The following XPO4 variants were observed in gnomAD, a reference collection of about 807,000 sequenced individuals.
XPO4 encodes the protein exportin-4.
A neutral mutation model predicts 143.0 loss-of-function variants in XPO4; 39 were observed. The observed-to-expected ratio is 0.27, with a 90% CI of 0.21 to 0.36. The LOEUF (loss-of-function observed/expected upper bound fraction) is 0.36, where lower values mean the gene tolerates loss of function less well. Among genes scored for constraint, XPO4 ranks in the 10% least tolerant of loss-of-function variants. The probability of loss-of-function intolerance (pLI) is 1.00; values close to 1 mark genes in which losing one functional copy is unlikely to be tolerated. For synonymous variants in XPO4, 439 were observed against 474.0 expected, an observed-to-expected ratio of 0.93 and a Z score of 0.96; for missense variants, 907 against 1,348.0, an observed-to-expected ratio of 0.67 and a Z score of 5.12.
chr13:20,803,116 C>T lies in XPO4; in HGVS notation c.1818-2126G>A, dbSNP rs1277238870. 3.9e-5 allele frequency among the ~76,000 whole-genome samples: 6 copies of T among 152,102 alleles called. No individual in the cohort carries two copies. The highest frequency in any genetic ancestry group is 9.7e-5 in the African/African-American group (4 of 41,406). On this transcript the variant is annotated intron_variant, in intron 13 of 22. Coordinates refer to ENST00000255305, the MANE Select transcript of XPO4 (RefSeq NM_022459.5). The surrounding 1 kb of genome is among the most constrained non-coding windows in gnomAD (Gnocchi z 4.1). Reference sequence around the variant, plus strand: ...TATAAGTAGAACCTATTTTTAAAATCGCAGAGTACCCCAATTATTTGAATT... The same window carrying T: ...TATAAGTAGAACCTATTTTTAAAATTGCAGAGTACCCCAATTATTTGAATT...
rs535066294 is a variant in XPO4, at chr13:20,890,428, C to G, written c.69+12242G>C. 5.3e-5 allele frequency among the ~76,000 whole-genome samples: 8 copies of G among 149,606 alleles called. No individual in the cohort carries two copies. The South Asian group carries it at 1.7e-3, about 32-fold the overall frequency. On this transcript the variant is annotated intron_variant, in intron 1 of 22. Transcript: ENST00000255305. ...TTGTGCTGCTGTACTCCAGCCTGGG[C>G]AACACAGCAAGACTCTGTCTAAAAA...
At chr13:20,794,255 T>C (rs1380716793) in intron 18 of XPO4, among the ~76,000 whole-genome samples, 1 of 152,126 alleles carries the variant, frequency 6.6e-6, no homozygotes, top group Admixed American at 6.5e-5. Context: ...CAGAAACAAC[T>C]AGGAAACTTA....
At chr13:20,848,853 A>T in intron 4 of XPO4, 4 of 985,348 alleles carry the variant, frequency 4.1e-6, no homozygotes, top group Non-Finnish European at 4.8e-6. Flanking sequence ...AAGACAATGC[A>T]ATGAGGTGTC....
chr13:20,896,683 G>C (rs918866292), intron 1 of XPO4, among the ~76,000 whole-genome samples: 1 of 151,744 alleles, frequency 6.6e-6, no homozygotes, highest in African/African-American at 2.4e-5. Context: ...ATCATTTTTT[G>C]GCCTTTCTTT....
intron 3 of XPO4, among the ~76,000 whole-genome samples, chr13:20,861,728 G>C (rs2060200423): frequency 1.3e-5 from 2 of 149,210 alleles, no homozygotes; most frequent in South Asian, 4.2e-4. Flanking sequence ...TTCAATGGAA[G>C]CTACTTAAAG....
intron 1 of XPO4, among the ~76,000 whole-genome samples, chr13:20,891,782 G>A (rs2060519452): frequency 6.6e-6 from 1 of 150,952 alleles, no homozygotes; most frequent in African/African-American, 2.4e-5. Flanking sequence ...AGAATTGCTT[G>A]AACCCGGGAG....
chr13:20,878,819 T>C (rs1381557909), intron 1 of XPO4, among the ~76,000 whole-genome samples: 1 of 152,192 alleles, frequency 6.6e-6, no homozygotes, highest in East Asian at 1.9e-4. Context: ...TATGAACATT[T>C]GCTAATCTAG....
chr13:20,868,727 T>C (rs2060265639), intron 1 of XPO4, 26 bp from the exon 2 acceptor site: 2 of 1,586,026 alleles, frequency 1.3e-6, no homozygotes, highest in Non-Finnish European at 1.7e-6. Context: ...CAAGAACAGA[T>C]ACACTTATCT....
At chr13:20,896,465 T>C (rs959480469) in intron 1 of XPO4, among the ~76,000 whole-genome samples, 2 of 152,214 alleles carry the variant, frequency 1.3e-5, no homozygotes, top group African/African-American at 4.8e-5. Flanking sequence ...TTCTTATCAG[T>C]GCCCTATAAT....
At position 20,778,086 on chromosome 13, in the gene XPO4, G is replaced by A. The variant is rs2059103951; in HGVS notation, c.*5636C>T. The A allele has an allele frequency of 6.6e-6, 1 of 152,232 alleles. No individual in the cohort carries two copies. Among genetic ancestry groups the A allele is most frequent in the South Asian group, 2.1e-4 (1 of 4,818 alleles). The allele number at this position is 152,232 out of a possible 1,614,324, so 9.4% of individuals were successfully genotyped here. ...TCAAAGGCATCACTCATAAGCAACC[G>A]AATTGTATTTTTGGAGAGCACCATT... On this transcript the variant is annotated 3_prime_UTR_variant, in exon 23 of 23. Transcript: ENST00000255305.
At chr13:20,849,588 G>A (rs918633948) in intron 4 of XPO4, 5 of 985,118 alleles carry the variant, frequency 5.1e-6, no homozygotes, top group Middle Eastern at 5.2e-4. Flanking sequence ...AAATAACCAC[G>A]TAACCTTTAT....
intron 9 of XPO4, 142 bp from the exon 10 acceptor site, chr13:20,810,109 T>A: frequency 1.6e-6 from 1 of 606,372 alleles, no homozygotes; most frequent in Non-Finnish European, 2.3e-6. Context: ...TTGAACTTTC[T>A]AAAATCTTTC....
intron 2 of XPO4, among the ~76,000 whole-genome samples, chr13:20,864,956 A>G (rs776420577): frequency 2.6e-5 from 4 of 152,120 alleles, no homozygotes; most frequent in Non-Finnish European, 4.4e-5. Context: ...AAAAACCATT[A>G]TTAGCTGTCA....
chr13:20,846,764 T>G (rs2060033288), intron 4 of XPO4, among the ~76,000 whole-genome samples: 1 of 152,192 alleles, frequency 6.6e-6, no homozygotes, highest in African/African-American at 2.4e-5. Flanking sequence ...AATTTTTTGA[T>G]GCACAGATAT....
rs57528913 is a variant in XPO4, at chr13:20,891,122, TAAAAAAAAA to T, written c.69+11539_69+11547del. Among the ~76,000 whole-genome samples the T allele has an allele frequency of 8.1e-5, 7 of 85,968 alleles. No homozygotes were observed. The South Asian group carries it at 1.3e-3, about 16-fold the overall frequency. The allele number at this position is 85,968 out of a possible 152,430, so 56.4% of individuals were successfully genotyped here. A position where few individuals can be genotyped will look rare whatever the true frequency, so the allele number is the denominator to read the frequency against. On this transcript the variant is annotated intron_variant, in intron 1 of 22. Coordinates refer to ENST00000255305, the MANE Select transcript of XPO4 (RefSeq NM_022459.5). ...ACAAGAGCAAAACTCCATCTCAATT[TAAAAAAAAA>T]AAAAAAAAAAAAAAAAAAAGAACAA...
At chr13:20,817,485 T>G (rs1354448077) in intron 9 of XPO4, among the ~76,000 whole-genome samples, 1 of 152,220 alleles carries the variant, frequency 6.6e-6, no homozygotes, top group Non-Finnish European at 1.5e-5. Context: ...ATACTAAAAC[T>G]AGATGTAAGG....
intron 9 of XPO4, 51 bp downstream of exon 9, chr13:20,821,653 G>T: frequency 6.5e-7 from 1 of 1,547,874 alleles, no homozygotes. Context: ...CAAAGGCACC[G>T]CAAATTTCCT....
At chr13:20,838,772 C>T (rs1184771287) in intron 6 of XPO4, among the ~76,000 whole-genome samples, 1 of 151,986 alleles carries the variant, frequency 6.6e-6, no homozygotes, top group Non-Finnish European at 1.5e-5. Context: ...CCTAAGCCCA[C>T]ACAAAAATTA....
chr13:20,839,060 T>TC (rs2059947080), intron 6 of XPO4, among the ~76,000 whole-genome samples: 1 of 152,010 alleles, frequency 6.6e-6, no homozygotes, highest in African/African-American at 2.4e-5. Context: ...GGACAGGAAT[T>TC]CGAGACCAGC....
Sources: allele counts gnomAD v4.1 joint callset (sites outside exome capture counted in the v4.1 genomes callset), GRCh38; gene constraint gnomAD v4.1.1; non-coding constraint Gnocchi (gnomAD v3.1); transcripts MANE v1.5; gene names NCBI Gene and HGNC (gene_info 2026-07-23, HGNC 2026-07-21).